RYR3: variants seen among roughly 807,000 people sequenced by gnomAD.
The protein encoded by RYR3 is brain ryanodine receptor-calcium release channel.
RYR3 carries 207 observed loss-of-function variants against 584.3 expected under a neutral mutation model. That is an observed-to-expected ratio of 0.35 (90% CI 0.32 to 0.40). RYR3 has a LOEUF of 0.40. Among genes scored for constraint, RYR3 ranks in the 10% least tolerant of loss-of-function variants. The pLI is 1.00. For missense variants in RYR3, 5,616 were observed against 6,089.2 expected (o/e 0.92, Z 2.59); for synonymous variants, 2,416 against 2,248.5 (o/e 1.07, Z -2.11).
At chr15:33,695,289 A>G (rs181882412) in intron 38 of RYR3, among the ~76,000 whole-genome samples, 8 of 152,322 alleles carry the variant, frequency 5.3e-5, no homozygotes, top group Non-Finnish European at 1.2e-4. Flanking sequence ...GGCCATTCCA[A>G]CAGGTCCCCT....
intron 1 of RYR3, among the ~76,000 whole-genome samples, chr15:33,423,659 T>G (rs376032818): frequency 2.1e-4 from 18 of 84,728 alleles, no homozygotes; most frequent in African/African-American, 9.5e-4. Flanking sequence ...TTTTCCAGGT[T>G]TTTTTTTTAA....
At chr15:33,325,066 C>A (rs1046263724) in intron 1 of RYR3, among the ~76,000 whole-genome samples, 2 of 152,164 alleles carry the variant, frequency 1.3e-5, no homozygotes, top group Non-Finnish European at 2.9e-5. Flanking sequence ...ATGGGACATA[C>A]GTCTGCTCTA....
At chr15:33,445,745 C>T (rs1336571977) in intron 1 of RYR3, among the ~76,000 whole-genome samples, 1 of 147,748 alleles carries the variant, frequency 6.8e-6, no homozygotes, top group African/African-American at 2.5e-5. Context: ...GGAAGCAACA[C>T]AAAGGAAGAA....
chr15:33,635,584 A>ACC, intron 25 of RYR3, 30 bp from the exon 26 acceptor site: 1 of 1,571,870 alleles, frequency 6.4e-7, no homozygotes, highest in Non-Finnish European at 8.7e-7. Context: ...TCCCTTCCAC[A>ACC]CCCTCTGTTC....
At chr15:33,789,927 C>T (rs1240698295) in intron 67 of RYR3, among the ~76,000 whole-genome samples, 9 of 146,502 alleles carry the variant, frequency 6.1e-5, no homozygotes, top group Admixed American at 6.1e-4. Context: ...CCGCCTGCCT[C>T]GGCTTCCCCA....
Position 33,838,736 on chromosome 15 carries a change from G to A in RYR3, c.12756G>A (p.Arg4252=). 1 of 1,613,910 alleles carries A rather than the reference G, an allele frequency of 6.2e-7. No individual in the cohort carries two copies. The highest frequency in any genetic ancestry group is 8.5e-7 in the Non-Finnish European group (1 of 1,179,876). Residue 4252 remains arginine (R), a synonymous_variant, in exon 89 of 104, where the codon AGG becomes AGA. Transcript: ENST00000634891. The part of the protein sequence containing the change: ...GIHDDTMEAE[R]AEVMEPGITT... ...ATGATGACACTATGGAGGCTGAGAG[G>A]GCAGAGGTGATGGAGCCAGGTATCA...
intron 1 of RYR3, among the ~76,000 whole-genome samples, chr15:33,380,644 A>G (rs1044047278): frequency 6.6e-6 from 1 of 152,236 alleles, no homozygotes; most frequent in African/African-American, 2.4e-5. Flanking sequence ...CTTCCAAAGT[A>G]CAGCCAGTCG....
chr15:33,591,254 G>A (rs779523572), intron 16 of RYR3, among the ~76,000 whole-genome samples: 1 of 152,268 alleles, frequency 6.6e-6, no homozygotes, highest in East Asian at 1.9e-4. Context: ...TCTGATTCCA[G>A]TTGGAATTGG....
At chr15:33,384,601 G>GCACACACA (rs10659855) in intron 1 of RYR3, among the ~76,000 whole-genome samples, 3,569 of 145,290 alleles carry the variant, frequency 0.025, 54 homozygotes, top group African/African-American at 0.028. Flanking sequence ...ATCTATATAT[G>GCACACACA]CACACACACA....
chr15:33,394,984 A>G (rs887932120), intron 1 of RYR3, among the ~76,000 whole-genome samples: 5 of 152,140 alleles, frequency 3.3e-5, no homozygotes, highest in African/African-American at 7.2e-5. Flanking sequence ...CCGGGTCCCA[A>G]TCTTAGAGGG....
intron 16 of RYR3, among the ~76,000 whole-genome samples, chr15:33,599,122 G>A (rs749029012): frequency 6.6e-6 from 1 of 152,160 alleles, no homozygotes; most frequent in Non-Finnish European, 1.5e-5. Flanking sequence ...GGAGATTAGG[G>A]ATTCTCTGGA....
At chr15:33,545,507 A>C (rs2056169458) in intron 8 of RYR3, among the ~76,000 whole-genome samples, 1 of 152,136 alleles carries the variant, frequency 6.6e-6, no homozygotes, top group Non-Finnish European at 1.5e-5. Flanking sequence ...AAAAAAAATC[A>C]TCAAACAAAA....
intron 66 of RYR3, among the ~76,000 whole-genome samples, chr15:33,787,309 T>G (rs1434059103): frequency 4.6e-5 from 7 of 152,244 alleles, no homozygotes; most frequent in African/African-American, 4.8e-5. Flanking sequence ...TCTTGGTGAA[T>G]GCAGAGAGTG....
chr15:33,581,874 T>C lies in RYR3; in HGVS notation c.1573+231T>C, dbSNP rs560058832. ...TCCCTGTAACTACCTGGGAAACTGT[T>C]TGACAGACACCTACACTCCCTCAAC... On this transcript the variant is annotated intron_variant, in intron 14 of 103. Coordinates refer to ENST00000634891, the MANE Select transcript of RYR3 (RefSeq NM_001036.6). Among the ~76,000 whole-genome samples the C allele has an allele frequency of 7.2e-5, 11 of 152,284 alleles. No individual in the cohort carries two copies. In the South Asian group the frequency reaches 2.3e-3, roughly 32 times the overall value.
chr15:33,451,703 C>G (rs989341517), intron 1 of RYR3, among the ~76,000 whole-genome samples: 1 of 152,148 alleles, frequency 6.6e-6, no homozygotes, highest in African/African-American at 2.4e-5. Context: ...AAGATGGAAT[C>G]CCATGCAAAG....
rs1185673093 is a variant in RYR3 at position 33,311,305 on chromosome 15, T to G, written c.51+209T>G. Among the ~76,000 whole-genome samples, 1 of 152,130 alleles carries G rather than the reference T, an allele frequency of 6.6e-6. No individual in the cohort carries two copies. The highest frequency in any genetic ancestry group is 1.5e-5 in the Non-Finnish European group (1 of 67,996). On this transcript the variant is annotated intron_variant, in intron 1 of 103. Transcript: ENST00000634891. This position sits in a 1 kb window ranked among gnomAD's most constrained non-coding sequence, Gnocchi z 4.4. ...AGGGGCACCATCTCCTGCCTCTCCC[T>G]TGTTCCCCTACCGCCACCCCTGCCC...
Position 33,788,282 on chromosome 15 carries a change from T to A in RYR3, c.9654T>A (p.Thr3218=). Residue 3218 remains threonine (T), a synonymous_variant, in exon 67 of 104, where the codon ACT becomes ACA. Coordinates refer to ENST00000634891, the MANE Select transcript of RYR3 (RefSeq NM_001036.6). ...PDLLRSHFIP[T]LEKLKKKAVK... ...TGCTGAGAAGCCACTTCATCCCAAC[T>A]CTGGAGAAGCTGAAGAAAAAGGCTG... The A allele has an allele frequency of 1.2e-6, 2 of 1,613,806 alleles. No individual in the cohort carries two copies. The highest frequency in any genetic ancestry group is 1.1e-5 in the South Asian group (1 of 91,056).
At chr15:33,420,937 GT>G (rs1207726270) in intron 1 of RYR3, among the ~76,000 whole-genome samples, 1 of 152,110 alleles carries the variant, frequency 6.6e-6, no homozygotes, top group Non-Finnish European at 1.5e-5. Flanking sequence ...GTACCATGCA[GT>G]GTGCTGGAGA....
Position 33,503,786 on chromosome 15 carries a change from C to A in RYR3, c.279+48C>A, listed in dbSNP as rs1318777668. ...AGGTTGGGATTGGGGTGCACCACAT[C>A]CCCAAAATACGTTCTACATTTCATC... On this transcript the variant is annotated intron_variant, in intron 3 of 103. Coordinates refer to ENST00000634891, the MANE Select transcript of RYR3 (RefSeq NM_001036.6). 4 of 1,059,270 alleles carry A rather than the reference C, an allele frequency of 3.8e-6. No individual in the cohort carries two copies. In the African/African-American group the frequency reaches 4.7e-5, roughly 12 times the overall value. The allele number at this position is 1,059,270 out of a possible 1,614,324, so 65.6% of individuals were successfully genotyped here.
Sources: allele counts gnomAD v4.1 joint callset (sites outside exome capture counted in the v4.1 genomes callset), GRCh38; gene constraint gnomAD v4.1.1; non-coding constraint Gnocchi (gnomAD v3.1); transcripts MANE v1.5; gene names NCBI Gene and HGNC (gene_info 2026-07-23, HGNC 2026-07-21).